Variants in CDH12 observed in about 807,000 individuals in gnomAD.
CDH12 encodes cadherin-12.
Under a neutral mutation model 74.1 loss-of-function variants are expected in CDH12, and 41 were observed. The ratio of observed to expected loss-of-function variants is 0.55; its 90% confidence interval spans 0.43 to 0.72. The LOEUF is 0.72. Ranked by LOEUF, CDH12 falls within the 30% of genes least tolerant of loss-of-function variation. The pLI, the probability that CDH12 is intolerant of heterozygous loss-of-function variation, is 0.00. For synonymous variants in CDH12, 399 were observed against 355.0 expected (o/e 1.12, Z -1.39); for missense variants, 945 against 977.2 (o/e 0.97, Z 0.44).
chr5:22,291,551 T>A (rs939130359), intron 3 of CDH12, among the ~76,000 whole-genome samples: 3 of 152,180 alleles, frequency 2.0e-5, no homozygotes, highest in Non-Finnish European at 4.4e-5. Flanking sequence ...AATGTTTGTA[T>A]GCACAAATTG....
intron 11 of CDH12, among the ~76,000 whole-genome samples, chr5:21,766,285 G>A (rs1377463338): frequency 6.6e-6 from 1 of 151,896 alleles, no homozygotes; most frequent in Non-Finnish European, 1.5e-5. Flanking sequence ...TCCATTATTT[G>A]TACCAATACC....
At chr5:22,125,150 T>A (rs1428749734) in intron 4 of CDH12, among the ~76,000 whole-genome samples, 1 of 152,064 alleles carries the variant, frequency 6.6e-6, no homozygotes, top group African/African-American at 2.4e-5. Flanking sequence ...CATGCAGGTG[T>A]GTCACATAGG....
intron 5 of CDH12, among the ~76,000 whole-genome samples, chr5:21,980,418 T>C (rs1209443658): frequency 2.6e-5 from 4 of 152,100 alleles, no homozygotes. Context: ...TTACAAAACA[T>C]TTTTTAAGGA....
At chr5:22,470,661 T>A (rs1347351436) in intron 2 of CDH12, among the ~76,000 whole-genome samples, 1 of 152,098 alleles carries the variant, frequency 6.6e-6, no homozygotes, top group Admixed American at 6.6e-5. Context: ...TGTCAAGTGC[T>A]CTTACGTAAG....
intron 5 of CDH12, among the ~76,000 whole-genome samples, chr5:22,022,996 AG>A (rs1385858807): frequency 6.6e-6 from 1 of 152,198 alleles, no homozygotes; most frequent in African/African-American, 2.4e-5. Context: ...AAGTAATTTT[AG>A]GAGCTTTAAA....
chr5:21,856,912 G>T (rs1246206697), intron 6 of CDH12, among the ~76,000 whole-genome samples: 1 of 151,790 alleles, frequency 6.6e-6, no homozygotes, highest in African/African-American at 2.4e-5. Flanking sequence ...TCCTTCTTTA[G>T]TGAAAGAGCA....
chr5:22,811,155 A>G (rs1435920027), intron 1 of CDH12, among the ~76,000 whole-genome samples: 2 of 151,914 alleles, frequency 1.3e-5, no homozygotes, highest in Non-Finnish European at 2.9e-5. Flanking sequence ...ATATACATAT[A>G]TATATACACA....
At chr5:22,089,301 T>C (rs555446350) in intron 4 of CDH12, among the ~76,000 whole-genome samples, 1 of 152,224 alleles carries the variant, frequency 6.6e-6, no homozygotes, top group South Asian at 2.1e-4. Context: ...ATAAAGTCAA[T>C]TTTCCACAAT....
chr5:22,143,889 A>G (rs1373365882), intron 4 of CDH12: 1 of 152,320 alleles, frequency 6.6e-6, no homozygotes, highest in African/African-American at 2.4e-5. Context: ...TTTACTTTTC[A>G]GAGGATTTGT....
rs1309400952 is a variant in CDH12, at chr5:22,144,614, C to T, written c.-186-65752G>A. ...TATTCGTTATGTGGAGGCATCTTTC[C>T]TATATCCAAGTTTAACTAATACTGG... On this transcript the variant is annotated intron_variant, in intron 4 of 14. Transcript: ENST00000382254. Among the ~76,000 whole-genome samples the T allele has an allele frequency of 2.0e-5, 3 of 152,042 alleles. 1 individual carries two copies. In the East Asian group the frequency reaches 5.8e-4, roughly 29 times the overall value.
intron 5 of CDH12, among the ~76,000 whole-genome samples, chr5:22,022,621 A>G (rs75714470): frequency 6.6e-6 from 1 of 152,178 alleles, no homozygotes; most frequent in Admixed American, 6.6e-5. Flanking sequence ...TACATTTTGA[A>G]GTAATAATAT....
intron 1 of CDH12, among the ~76,000 whole-genome samples, chr5:22,661,600 A>G (rs922689509): frequency 4.6e-5 from 7 of 152,126 alleles, no homozygotes; most frequent in East Asian, 1.9e-4. Context: ...AAATTTTTCA[A>G]TGGTAAGATT....
chr5:21,759,546 A>C (rs185618134), intron 13 of CDH12, among the ~76,000 whole-genome samples: 5 of 152,268 alleles, frequency 3.3e-5, no homozygotes, highest in Non-Finnish European at 5.9e-5. Context: ...TTAATAAAAA[A>C]TATTATGAGG....
chr5:22,696,197 G>A (rs750018298), intron 1 of CDH12, among the ~76,000 whole-genome samples: 1 of 151,674 alleles, frequency 6.6e-6, no homozygotes, highest in Non-Finnish European at 1.5e-5. Context: ...TGAAACCCAC[G>A]TCTCTACTGA....
chr5:22,687,434 G>A (rs892876692), intron 1 of CDH12, among the ~76,000 whole-genome samples: 2 of 152,122 alleles, frequency 1.3e-5, no homozygotes, highest in South Asian at 2.1e-4. Flanking sequence ...TTGAGACAGG[G>A]TCTCACTCTG....
At chr5:21,889,022 T>TA (rs1445365776) in intron 6 of CDH12, among the ~76,000 whole-genome samples, 1 of 152,034 alleles carries the variant, frequency 6.6e-6, no homozygotes, top group Non-Finnish European at 1.5e-5. Context: ...ACTAAATACT[T>TA]AAAATAGAAA....
intron 4 of CDH12, among the ~76,000 whole-genome samples, chr5:22,200,205 T>A (rs1271029490): frequency 1.3e-5 from 2 of 152,130 alleles, no homozygotes; most frequent in Non-Finnish European, 2.9e-5. Context: ...TCAAAGTGTA[T>A]CTCTTCAGGA....
At chr5:22,308,643 T>G (rs919673435) in intron 3 of CDH12, among the ~76,000 whole-genome samples, 1 of 152,154 alleles carries the variant, frequency 6.6e-6, no homozygotes, top group African/African-American at 2.4e-5. Context: ...CTCCTTGGAT[T>G]CTAAGAGATA....
At chr5:22,622,604 C>T (rs938057749) in intron 1 of CDH12, among the ~76,000 whole-genome samples, 15 of 152,160 alleles carry the variant, frequency 9.9e-5, no homozygotes, top group African/African-American at 3.6e-4. Flanking sequence ...CACATACACC[C>T]TCCCAAGAAT....
Sources: gnomAD v4.1 joint callset for allele counts (sites outside exome capture counted in the v4.1 genomes callset) on GRCh38, gnomAD v4.1.1 for gene constraint, MANE v1.5 for transcripts, NCBI Gene and HGNC (gene_info 2026-07-23, HGNC 2026-07-21) for gene names.